TOX2: variants seen among roughly 807,000 people sequenced by gnomAD.
TOX2 encodes granulosa cell HMG box 1.
Under a neutral mutation model 47.4 loss-of-function variants are expected in TOX2, and 15 were observed. The ratio of observed to expected loss-of-function variants is 0.32; its 90% CI spans 0.21 to 0.49. The LOEUF (loss-of-function observed/expected upper bound fraction) is 0.49, where lower values mean the gene tolerates loss of function less well. Ranked by LOEUF, TOX2 falls within the 20% of genes least tolerant of loss-of-function variation. The probability of loss-of-function intolerance (pLI) is 0.99; values close to 1 mark genes in which losing one functional copy is unlikely to be tolerated. For missense variants in TOX2, 622 were observed against 673.1 expected (o/e 0.92, Z 0.84); for synonymous variants, 290 against 296.6 (o/e 0.98, Z 0.23).
At chr20:43,929,994 C>A (rs2145315814) in intron 1 of TOX2, among the ~76,000 whole-genome samples, 1 of 152,316 alleles carries the variant, frequency 6.6e-6, no homozygotes, top group Admixed American at 6.5e-5. Flanking sequence ...AGACGTGAGC[C>A]AATGCGCCCA....
At chr20:44,017,855 G>A (rs772719158) in intron 3 of TOX2, among the ~76,000 whole-genome samples, 13 of 152,140 alleles carry the variant, frequency 8.5e-5, no homozygotes, top group Non-Finnish European at 1.6e-4. Flanking sequence ...CAGGCAGCCC[G>A]ACTCCCCAGC....
At chr20:43,944,805 C>T (rs911628812) in intron 1 of TOX2, among the ~76,000 whole-genome samples, 1 of 152,178 alleles carries the variant, frequency 6.6e-6, no homozygotes, top group Non-Finnish European at 1.5e-5. Flanking sequence ...TAGTACATGA[C>T]ACTTAATAGG....
intron 2 of TOX2, among the ~76,000 whole-genome samples, chr20:43,995,088 G>A (rs1313598845): frequency 6.6e-6 from 1 of 151,952 alleles, no homozygotes; most frequent in Non-Finnish European, 1.5e-5. Flanking sequence ...CTCCTGTTTG[G>A]CTTATATATG....
intron 3 of TOX2, among the ~76,000 whole-genome samples, chr20:44,034,885 C>A (rs1047504812): frequency 6.6e-6 from 1 of 152,228 alleles, no homozygotes; most frequent in African/African-American, 2.4e-5. Context: ...AAACTTAACA[C>A]ATGTCTGCCT....
intron 1 of TOX2, among the ~76,000 whole-genome samples, chr20:43,949,047 C>T (rs543105954): frequency 2.2e-4 from 34 of 152,246 alleles, no homozygotes; most frequent in African/African-American, 7.7e-4. Context: ...ATTTGCATGT[C>T]CTCACCCCAG....
intron 1 of TOX2, among the ~76,000 whole-genome samples, chr20:43,947,064 G>A (rs1353557899): frequency 2.6e-5 from 4 of 152,166 alleles, no homozygotes; most frequent in Admixed American, 2.0e-4. Flanking sequence ...CTCCACTCTG[G>A]GTCTGAAAGC....
chr20:44,042,709 A>C (rs1057314021), intron 3 of TOX2, among the ~76,000 whole-genome samples: 1 of 152,240 alleles, frequency 6.6e-6, no homozygotes, highest in Non-Finnish European at 1.5e-5. Context: ...TTGAGACTCA[A>C]AAAAGCCATT....
intron 2 of TOX2, among the ~76,000 whole-genome samples, chr20:44,001,496 G>A (rs1293811612): frequency 1.3e-5 from 2 of 152,206 alleles, no homozygotes; most frequent in Non-Finnish European, 2.9e-5. Flanking sequence ...TTATTTTTAA[G>A]TGTGCTAATT....
intron 6 of TOX2, among the ~76,000 whole-genome samples, chr20:44,065,270 C>A (rs1569152415): frequency 6.6e-6 from 1 of 152,242 alleles, no homozygotes; most frequent in South Asian, 2.1e-4. Flanking sequence ...ACGTAGGAAG[C>A]TAAGTGTGGC....
chr20:43,963,378 C>G (rs967622824), intron 1 of TOX2, among the ~76,000 whole-genome samples: 5 of 145,352 alleles, frequency 3.4e-5, no homozygotes, highest in Non-Finnish European at 7.4e-5. Flanking sequence ...AAGGGACATT[C>G]CCAGCTCCTG....
intron 1 of TOX2, among the ~76,000 whole-genome samples, chr20:43,959,305 A>G (rs1044331369): frequency 2.6e-5 from 4 of 152,196 alleles, no homozygotes; most frequent in African/African-American, 9.7e-5. Flanking sequence ...GCTGTGCTGC[A>G]CCAGTGTTCT....
At chr20:44,004,319 C>A (rs573845325) in intron 2 of TOX2, among the ~76,000 whole-genome samples, 116 of 152,230 alleles carry the variant, frequency 7.6e-4, no homozygotes, top group Middle Eastern at 3.4e-3. Flanking sequence ...GAATCGAAAC[C>A]CAGACTGGTT....
rs1251580905 is a variant in TOX2, at chr20:44,057,499, A to AAAAACCTTGCCTATCCCCC, written c.879+2978_879+2996dup. The stretch of plus-strand genomic sequence containing the variant: ...GTAGTGAGAAAATAATAGGAAATAA[A>AAAAACCTTGCCTATCCCCC]AAAACCTTGCCTATCCCCCAAAAGT... On this transcript the variant is annotated intron_variant, in intron 5 of 8. Coordinates refer to ENST00000341197, the MANE Select transcript of TOX2 (RefSeq NM_001098797.2). Among the ~76,000 whole-genome samples, 4 of 152,242 alleles carry AAAAACCTTGCCTATCCCCC rather than the reference A, an allele frequency of 2.6e-5. No homozygotes were observed. The South Asian group carries it at 8.3e-4, about 31-fold the overall frequency.
Position 44,054,634 on chromosome 20 carries a change from T to C in TOX2, c.879+108T>C, listed in dbSNP as rs1232677039. 11 of 1,209,080 alleles carry C rather than the reference T, an allele frequency of 9.1e-6. No individual in the cohort carries two copies. In the African/African-American group the frequency reaches 9.1e-5, roughly 10 times the overall value. 74.9% of individuals were successfully genotyped at this position (1,209,080 alleles called of 1,614,324 possible). A position where few individuals can be genotyped will look rare whatever the true frequency, so the allele number is the denominator to read the frequency against. ...GGCCCAGCTCTGGAACTAGAGACTC[T>C]TACAGAGGTCTTTCCTGGGCTCAGG... On this transcript the variant is annotated intron_variant, in intron 5 of 8. Coordinates refer to ENST00000341197, the MANE Select transcript of TOX2 (RefSeq NM_001098797.2).
chr20:44,019,831 G>C (rs1257544645), intron 3 of TOX2, among the ~76,000 whole-genome samples: 1 of 152,168 alleles, frequency 6.6e-6, no homozygotes, highest in African/African-American at 2.4e-5. Context: ...TTTCCTTCCG[G>C]CCTCACTTTC....
intron 3 of TOX2, among the ~76,000 whole-genome samples, chr20:44,048,616 A>G (rs1042908736): frequency 5.9e-5 from 9 of 151,638 alleles, no homozygotes; most frequent in Non-Finnish European, 1.3e-4. Context: ...AAAGCTGATC[A>G]TAACAAAAAC....
chr20:43,996,254 T>C (rs1271842218), intron 2 of TOX2, among the ~76,000 whole-genome samples: 1 of 152,272 alleles, frequency 6.6e-6, no homozygotes, highest in Non-Finnish European at 1.5e-5. Flanking sequence ...TGCATTTCTC[T>C]AATGATCGGT....
intron 3 of TOX2, among the ~76,000 whole-genome samples, chr20:44,026,937 A>G (rs1305311153): frequency 1.3e-5 from 2 of 152,182 alleles, no homozygotes; most frequent in African/African-American, 2.4e-5. Flanking sequence ...TGGGCATTTC[A>G]GTCTCGGCTT....
At chr20:43,928,093 G>A (rs1001770978) in intron 1 of TOX2, among the ~76,000 whole-genome samples, 1 of 152,156 alleles carries the variant, frequency 6.6e-6, no homozygotes, top group African/African-American at 2.4e-5. Flanking sequence ...AGTGAAGAAG[G>A]TAGGGAAAAG....
Sources: allele counts gnomAD v4.1 joint callset (sites outside exome capture counted in the v4.1 genomes callset), GRCh38; gene constraint gnomAD v4.1.1; transcripts MANE v1.5; gene names NCBI Gene and HGNC (gene_info 2026-07-23, HGNC 2026-07-21).